NALF1: variants seen among roughly 807,000 people sequenced by gnomAD.
The protein encoded by NALF1 is NALCN channel auxiliary factor 1.
NALF1 carries 3 observed loss-of-function variants against 48.4 expected under a neutral mutation model. The observed-to-expected ratio is 0.06, with a 90% CI of 0.03 to 0.16. NALF1 has a LOEUF of 0.16. Among genes scored for constraint, NALF1 ranks in the 10% least tolerant of loss-of-function variants. The pLI, the probability that NALF1 is intolerant of heterozygous loss-of-function variation, is 1.00. For synonymous variants in NALF1, 262 were observed against 245.7 expected (o/e 1.07, Z -0.62); for missense variants, 526 against 571.5 (o/e 0.92, Z 0.81).
At chr13:107,458,762 G>A (rs1354583317) in intron 1 of NALF1, among the ~76,000 whole-genome samples, 2 of 152,140 alleles carry the variant, frequency 1.3e-5, no homozygotes, top group Non-Finnish European at 1.5e-5. Flanking sequence ...TAGCGAGCCT[G>A]GGAGTAATTT....
In NALF1 at chr13:107,214,467, G is replaced by A. The variant is rs746420640; in HGVS notation, c.916-3712C>T. Among the ~76,000 whole-genome samples the A allele has an allele frequency of 4.6e-5, 7 of 152,192 alleles. No individual in the cohort carries two copies. The East Asian group carries it at 9.7e-4, about 21-fold the overall frequency. ...CAGAGTATAAATAATTATATGAAAC[G>A]AAAGAATAACTGTGGGAAGGAATAA... is the stretch of plus-strand genomic sequence containing the variant. On this transcript the variant is annotated intron_variant, in intron 1 of 2. Coordinates refer to ENST00000375915, the MANE Select transcript of NALF1 (RefSeq NM_001080396.3).
chr13:107,568,800 G>A (rs1594134280), intron 1 of NALF1, among the ~76,000 whole-genome samples: 1 of 152,082 alleles, frequency 6.6e-6, no homozygotes, highest in East Asian at 1.9e-4. Context: ...TTTTTTGAAT[G>A]TTGAATTTTG....
chr13:107,804,636 C>G (rs1878720170), intron 1 of NALF1, among the ~76,000 whole-genome samples: 1 of 152,086 alleles, frequency 6.6e-6, no homozygotes, highest in South Asian at 2.1e-4. Context: ...TGTTCTTTTT[C>G]CCCACAGGAG....
chr13:107,465,331 ATATG>A (rs1262871986), intron 1 of NALF1, among the ~76,000 whole-genome samples: 1 of 127,766 alleles, frequency 7.8e-6, no homozygotes, highest in African/African-American at 3.0e-5. Context: ...ATATATATAT[ATATG>A]TCTCTTTGTT....
At chr13:107,775,268 A>G in intron 1 of NALF1, among the ~76,000 whole-genome samples, 1 of 133,682 alleles carries the variant, frequency 7.5e-6, no homozygotes, top group African/African-American at 2.8e-5. Context: ...ATGTGTTCCC[A>G]TTGTTCAATT....
rs759271952 is a variant in NALF1 at position 107,337,077 on chromosome 13, AT to A, written c.916-126323del. Among the ~76,000 whole-genome samples the A allele has an allele frequency of 4.4e-4, 55 of 126,352 alleles. 2 individuals carry two copies. The highest frequency in any genetic ancestry group is 1.5e-3 in the South Asian group (6 of 4,032). The allele number at this position is 126,352 out of a possible 152,430, so 82.9% of individuals were successfully genotyped here. Reference sequence around the variant, plus strand: ...AAAAAAAAAAAAAAAAAAAAAAAAAATGTCAGAAGAAAAGAGACTCTTTAGG... The same window carrying A: ...AAAAAAAAAAAAAAAAAAAAAAAAAAGTCAGAAGAAAAGAGACTCTTTAGG... On this transcript the variant is annotated intron_variant, in intron 1 of 2. Coordinates refer to ENST00000375915, the MANE Select transcript of NALF1 (RefSeq NM_001080396.3).
At chr13:107,197,157 T>A (rs74113914) in intron 2 of NALF1, among the ~76,000 whole-genome samples, 1,600 of 152,274 alleles carry the variant, frequency 0.011, 31 homozygotes, top group African/African-American at 0.037. Flanking sequence ...ACAACACAGC[T>A]GGAAGACCCT....
intron 1 of NALF1, among the ~76,000 whole-genome samples, chr13:107,366,717 T>A (rs1883158039): frequency 6.6e-6 from 1 of 152,236 alleles, no homozygotes; most frequent in African/African-American, 2.4e-5. Flanking sequence ...AGTTCTCATT[T>A]AGTCGTAAGC....
chr13:107,331,389 T>C (rs555404271), intron 1 of NALF1, among the ~76,000 whole-genome samples: 13 of 152,306 alleles, frequency 8.5e-5, no homozygotes, highest in Admixed American at 8.5e-4. Flanking sequence ...ATGTTTACCA[T>C]GTTCTTATGA....
intron 1 of NALF1, among the ~76,000 whole-genome samples, chr13:107,330,060 T>C (rs573767503): frequency 6.6e-6 from 1 of 152,192 alleles, no homozygotes; most frequent in African/African-American, 2.4e-5. Context: ...TTAGGGAAAA[T>C]CATGCAGATC....
At chr13:107,332,640 TAAAC>T (rs1882489958) in intron 1 of NALF1, among the ~76,000 whole-genome samples, 1 of 152,236 alleles carries the variant, frequency 6.6e-6, no homozygotes. Flanking sequence ...CTATTTCTGA[TAAAC>T]AATTTAAATA....
intron 1 of NALF1, among the ~76,000 whole-genome samples, chr13:107,660,439 ACACAC>A (rs1880699720): frequency 2.0e-4 from 1 of 5,094 alleles, no homozygotes; most frequent in African/African-American, 3.3e-4. Flanking sequence ...TCTCAAAAAC[ACACAC>A]ACACACACAC....
intron 1 of NALF1, among the ~76,000 whole-genome samples, chr13:107,512,922 T>C (rs934227404): frequency 6.6e-6 from 1 of 152,140 alleles, no homozygotes; most frequent in African/African-American, 2.4e-5. Flanking sequence ...TTCCGCCTCT[T>C]ACCTCAATAC....
intron 1 of NALF1, among the ~76,000 whole-genome samples, chr13:107,804,328 C>A (rs1409718040): frequency 6.6e-6 from 1 of 152,072 alleles, no homozygotes; most frequent in Non-Finnish European, 1.5e-5. Context: ...GCTGGGGAGA[C>A]AGAGAGAAAA....
intron 1 of NALF1, among the ~76,000 whole-genome samples, chr13:107,805,040 T>C (rs1357181720): frequency 6.6e-6 from 1 of 152,180 alleles, no homozygotes; most frequent in Non-Finnish European, 1.5e-5. Flanking sequence ...TTTAGGTCAC[T>C]GAATATATGT....
At chr13:107,802,672 A>C (rs1878656132) in intron 1 of NALF1, among the ~76,000 whole-genome samples, 1 of 150,932 alleles carries the variant, frequency 6.6e-6, no homozygotes, top group Non-Finnish European at 1.5e-5. Flanking sequence ...ATGTTTTTTT[A>C]TATATCAGTG....
intron 1 of NALF1, among the ~76,000 whole-genome samples, chr13:107,511,277 C>T (rs533941806): frequency 2.0e-5 from 3 of 152,270 alleles, no homozygotes; most frequent in South Asian, 2.1e-4. Context: ...ATCGTATTGT[C>T]GCCCAGTGCT....
chr13:107,499,126 T>G (rs1167161024), intron 1 of NALF1, among the ~76,000 whole-genome samples: 2 of 150,084 alleles, frequency 1.3e-5, no homozygotes, highest in Non-Finnish European at 2.9e-5. Flanking sequence ...TTTAAGTGTT[T>G]TCATTATTTT....
intron 2 of NALF1, among the ~76,000 whole-genome samples, chr13:107,172,831 A>C (rs1043824391): frequency 1.3e-5 from 2 of 152,210 alleles, no homozygotes; most frequent in African/African-American, 4.8e-5. Context: ...GGTAAATAAG[A>C]AGCTCTTCCA....
Sources: gnomAD v4.1 joint callset for allele counts (sites outside exome capture counted in the v4.1 genomes callset) on GRCh38, gnomAD v4.1.1 for gene constraint, MANE v1.5 for transcripts, NCBI Gene and HGNC (gene_info 2026-07-23, HGNC 2026-07-21) for gene names.